The following CDH18 variants were observed in gnomAD, a reference collection of about 807,000 sequenced individuals.
CDH18 encodes the protein cadherin-18.
Under a neutral mutation model 67.9 loss-of-function variants are expected in CDH18, and 31 were observed. The ratio of observed to expected loss-of-function variants is 0.46; its 90% CI spans 0.34 to 0.62. CDH18 has a LOEUF of 0.62. Ranked by LOEUF, CDH18 falls within the 20% of genes least tolerant of loss-of-function variation. The pLI, the probability that CDH18 is intolerant of heterozygous loss-of-function variation, is 0.01. For missense variants in CDH18, 890 were observed against 975.5 expected, an observed-to-expected ratio of 0.91 and a Z score of 1.17; for synonymous variants, 362 against 347.2, an observed-to-expected ratio of 1.04 and a Z score of -0.48.
rs570751435 is a variant in CDH18, at chr5:20,001,678, C to T, written c.-517-9664G>A. Among the ~76,000 whole-genome samples the T allele has an allele frequency of 3.3e-5, 5 of 152,116 alleles. No homozygotes were observed. In the East Asian group the frequency reaches 9.7e-4, roughly 29 times the overall value. The stretch of plus-strand genomic sequence containing the variant: ...ATTATTCTTTTTCCTTTTTTTACTG[C>T]AAGTCAATTGCATGTAGTGTGCTGA... On this transcript the variant is annotated intron_variant, in intron 2 of 14. Transcript: ENST00000507958.
intron 2 of CDH18, among the ~76,000 whole-genome samples, chr5:20,054,978 C>T (rs1221702479): frequency 6.6e-6 from 1 of 152,114 alleles, no homozygotes; most frequent in African/African-American, 2.4e-5. Flanking sequence ...GCAGTTCTGG[C>T]AATGGGCTGT....
chr5:20,224,262 T>C (rs1741439276), intron 2 of CDH18, among the ~76,000 whole-genome samples: 2 of 152,058 alleles, frequency 1.3e-5, no homozygotes, highest in Non-Finnish European at 2.9e-5. Context: ...CAACCACAGG[T>C]ATTTAACAGG....
At chr5:19,806,607 T>C (rs1183552214) in intron 3 of CDH18, among the ~76,000 whole-genome samples, 5 of 152,214 alleles carry the variant, frequency 3.3e-5, no homozygotes, top group African/African-American at 1.2e-4. Context: ...ACTTAATACA[T>C]GTTACAAGTA....
At chr5:20,541,555 C>T (rs1031750582) in intron 1 of CDH18, among the ~76,000 whole-genome samples, 1 of 151,942 alleles carries the variant, frequency 6.6e-6, no homozygotes, top group African/African-American at 2.4e-5. Flanking sequence ...TAGAATGAAG[C>T]AAATTAGGAT....
chr5:19,817,170 A>G (rs1490503391), intron 3 of CDH18, among the ~76,000 whole-genome samples: 1 of 151,942 alleles, frequency 6.6e-6, no homozygotes, highest in Non-Finnish European at 1.5e-5. Flanking sequence ...GTACACGGGG[A>G]TATCTTTTTT....
At chr5:19,581,563 C>A (rs1379067730) in intron 7 of CDH18, among the ~76,000 whole-genome samples, 1 of 151,928 alleles carries the variant, frequency 6.6e-6, no homozygotes, top group Non-Finnish European at 1.5e-5. Context: ...TAGAGAGGTT[C>A]TAAAATTCTA....
chr5:19,508,281 A>T (rs996749516), intron 10 of CDH18, among the ~76,000 whole-genome samples: 4 of 152,134 alleles, frequency 2.6e-5, no homozygotes, highest in Non-Finnish European at 5.9e-5. Flanking sequence ...AGAAGTTATA[A>T]ACTTCTGGCA....
intron 1 of CDH18, among the ~76,000 whole-genome samples, chr5:20,274,716 T>C (rs1400272852): frequency 6.6e-6 from 1 of 152,180 alleles, no homozygotes; most frequent in Admixed American, 6.6e-5. Flanking sequence ...GTAAAACCAA[T>C]TAAATGAATT....
intron 2 of CDH18, among the ~76,000 whole-genome samples, chr5:20,235,241 C>T (rs1298138645): frequency 2.0e-5 from 3 of 151,946 alleles, no homozygotes; most frequent in Non-Finnish European, 4.4e-5. Flanking sequence ...TGGCTAAGTT[C>T]TCAAAAGCAA....
At chr5:20,074,839 C>T (rs1743786445) in intron 2 of CDH18, among the ~76,000 whole-genome samples, 1 of 151,736 alleles carries the variant, frequency 6.6e-6, no homozygotes, top group Admixed American at 6.6e-5. Flanking sequence ...ATTAAAATGG[C>T]AAAGCCACAG....
At chr5:19,690,566 C>A (rs1194371466) in intron 5 of CDH18, among the ~76,000 whole-genome samples, 1 of 150,906 alleles carries the variant, frequency 6.6e-6, no homozygotes, top group African/African-American at 2.4e-5. Flanking sequence ...CAGAAAACAC[C>A]CAAATTAATA....
At chr5:19,664,010 T>G (rs1757559302) in intron 5 of CDH18, among the ~76,000 whole-genome samples, 3 of 151,868 alleles carry the variant, frequency 2.0e-5, no homozygotes. Context: ...TAGAGTACAT[T>G]ATTAAAATAG....
chr5:20,273,409 TG>T (rs1745580655), intron 1 of CDH18, among the ~76,000 whole-genome samples: 1 of 151,944 alleles, frequency 6.6e-6, no homozygotes, highest in Non-Finnish European at 1.5e-5. Flanking sequence ...GCAGATAATA[TG>T]GAAAAATAAA....
intron 1 of CDH18, among the ~76,000 whole-genome samples, chr5:20,298,169 GA>G (rs980149557): frequency 2.6e-5 from 4 of 151,442 alleles, no homozygotes; most frequent in East Asian, 1.9e-4. Context: ...TTTGCATAGG[GA>G]AAAAAAAGCA....
At chr5:20,333,161 T>C (rs1242999346) in intron 1 of CDH18, among the ~76,000 whole-genome samples, 1 of 151,934 alleles carries the variant, frequency 6.6e-6, no homozygotes, top group Non-Finnish European at 1.5e-5. Flanking sequence ...CAGAACAACA[T>C]TGATAGGAAG....
At chr5:20,528,080 A>G (rs759953350) in intron 1 of CDH18, among the ~76,000 whole-genome samples, 2 of 152,098 alleles carry the variant, frequency 1.3e-5, no homozygotes, top group African/African-American at 2.4e-5. Flanking sequence ...TACCAAGCAA[A>G]TGAAAAGCAG....
rs889253579 is a variant in CDH18 at position 19,883,176 on chromosome 5, T to C, written c.-256-43934A>G. ...AAATCTGTGGGCATTGGCTGAAAAC[T>C]ACATTTTAAATAAGCTTTTCAGATG... On this transcript the variant is annotated intron_variant, in intron 2 of 12. Coordinates refer to ENST00000382275, the MANE Select transcript of CDH18 (RefSeq NM_004934.5). 5.9e-5 allele frequency among the ~76,000 whole-genome samples: 9 copies of C among 152,250 alleles called. No individual in the cohort carries two copies. In the South Asian group the frequency reaches 1.0e-3, roughly 18 times the overall value.
At chr5:19,856,691 T>A (rs1207974397) in intron 2 of CDH18, among the ~76,000 whole-genome samples, 1 of 140,396 alleles carries the variant, frequency 7.1e-6, no homozygotes, top group African/African-American at 2.6e-5. Context: ...TGTTTTTCTA[T>A]GTAAAGAGGC....
At chr5:20,505,341 T>G (rs796087425) in intron 1 of CDH18, among the ~76,000 whole-genome samples, 60 of 152,310 alleles carry the variant, frequency 3.9e-4, no homozygotes, top group African/African-American at 1.3e-3. Context: ...AAGGACAGTA[T>G]AGTGTTCAAT....
Sources: gnomAD v4.1 joint callset for allele counts (sites outside exome capture counted in the v4.1 genomes callset) on GRCh38, gnomAD v4.1.1 for gene constraint, MANE v1.5 for transcripts, NCBI Gene and HGNC (gene_info 2026-07-23, HGNC 2026-07-21) for gene names.